The following ZBTB40 variants were observed in gnomAD, a reference collection of about 807,000 sequenced individuals.
The protein encoded by ZBTB40 is zinc finger and BTB domain-containing protein 40.
A neutral mutation model predicts 117.5 loss-of-function variants in ZBTB40; 60 were observed. The ratio of observed to expected loss-of-function variants is 0.51; its 90% confidence interval spans 0.41 to 0.63. ZBTB40 has a LOEUF of 0.63. Ranked by LOEUF, ZBTB40 falls within the 30% of genes least tolerant of loss-of-function variation. The pLI, the probability that ZBTB40 is intolerant of heterozygous loss-of-function variation, is 0.00. For missense variants in ZBTB40, 1,287 were observed against 1,498.5 expected (o/e 0.86, Z 2.33); for synonymous variants, 525 against 577.1 (o/e 0.91, Z 1.29).
intron 3 of ZBTB40, 97 bp downstream of exon 3, chr1:22,491,630 A>T (rs575048494): frequency 1.5e-6 from 2 of 1,372,414 alleles, no homozygotes; most frequent in Admixed American, 2.1e-5. Flanking sequence ...CAGGGTTTCA[A>T]TGTTTTGAAA....
chr1:22,437,989 G>T (rs551913642), intron 1 of ZBTB40, among the ~76,000 whole-genome samples: 1 of 152,062 alleles, frequency 6.6e-6, no homozygotes, highest in African/African-American at 2.4e-5. Context: ...AATTAGTCGG[G>T]TGTGGTGGTA....
chr1:22,501,350 T>C (rs758401778), intron 3 of ZBTB40, 142 bp from the exon 4 acceptor site: 6 of 857,214 alleles, frequency 7.0e-6, no homozygotes, highest in Non-Finnish European at 1.1e-5. Context: ...GAACTGCTGC[T>C]GGGGAAGAAA....
Position 22,525,976 on chromosome 1 carries a change from T to C in ZBTB40, c.3526-226T>C, listed in dbSNP as rs193225007. The stretch of plus-strand genomic sequence containing the variant: ...GTCCGGGCGCCCCGAGATGGCGTAC[T>C]GAGCAAAATTATAGCAATTTAGTGC... On this transcript the variant is annotated intron_variant, in intron 17 of 17. Coordinates refer to ENST00000375647, the MANE Select transcript of ZBTB40 (RefSeq NM_014870.4). Among the ~76,000 whole-genome samples the C allele has an allele frequency of 4.6e-5, 7 of 152,356 alleles. No homozygotes were observed. In the East Asian group the frequency reaches 1.3e-3, roughly 29 times the overall value.
intron 1 of ZBTB40, among the ~76,000 whole-genome samples, chr1:22,460,446 GATA>G (rs1462757281): frequency 1.3e-5 from 2 of 152,112 alleles, no homozygotes; most frequent in African/African-American, 4.8e-5. Flanking sequence ...ACATCATGTT[GATA>G]ATAATAGTTA....
chr1:22,518,606 C>T (rs1241100227), intron 13 of ZBTB40, among the ~76,000 whole-genome samples: 2 of 152,144 alleles, frequency 1.3e-5, no homozygotes, highest in East Asian at 3.9e-4. Flanking sequence ...CTCACAAGTG[C>T]GCTTTATGTA....
chr1:22,469,591 C>CT (rs1306244774), intron 1 of ZBTB40, among the ~76,000 whole-genome samples: 2 of 152,094 alleles, frequency 1.3e-5, no homozygotes, highest in African/African-American at 4.8e-5. Flanking sequence ...GAGTCTTACT[C>CT]TGTCACCCAG....
chr1:22,498,909 G>A (rs1638852098), intron 3 of ZBTB40, among the ~76,000 whole-genome samples: 1 of 152,222 alleles, frequency 6.6e-6, no homozygotes. Context: ...TTTACTGAGG[G>A]TATTAGCAGC....
At chr1:22,478,911 A>T (rs1455422705) in intron 1 of ZBTB40, among the ~76,000 whole-genome samples, 1 of 152,204 alleles carries the variant, frequency 6.6e-6, no homozygotes, top group Non-Finnish European at 1.5e-5. Context: ...TTCCATTCTC[A>T]TGGAAAGTTT....
At chr1:22,434,792 T>G (rs895127112) in intron 1 of ZBTB40, among the ~76,000 whole-genome samples, 8 of 152,344 alleles carry the variant, frequency 5.3e-5, no homozygotes, top group Admixed American at 2.0e-4. Flanking sequence ...TTCACTATTT[T>G]AACTGTTGAA....
intron 1 of ZBTB40, among the ~76,000 whole-genome samples, chr1:22,453,902 C>G (rs969954567): frequency 2.6e-5 from 4 of 152,154 alleles, no homozygotes. Flanking sequence ...AGGTAAATAC[C>G]AAGTAAACAA....
intron 4 of ZBTB40, 107 bp from the exon 5 acceptor site, chr1:22,502,192 C>A: frequency 7.4e-7 from 1 of 1,354,864 alleles, no homozygotes; most frequent in Non-Finnish European, 1.0e-6. Flanking sequence ...TCAGAATAAG[C>A]TGAAAATCAC....
intron 14 of ZBTB40, 128 bp from the exon 15 acceptor site, chr1:22,521,368 G>A: frequency 8.5e-7 from 1 of 1,179,432 alleles, no homozygotes. Flanking sequence ...CGGTGTGATA[G>A]GTAAGAGTGT....
chr1:22,452,958 A>G (rs1367001140), intron 1 of ZBTB40: 1 of 152,242 alleles, frequency 6.6e-6, no homozygotes, highest in East Asian at 1.9e-4. Flanking sequence ...TAAGTATGGT[A>G]TTTCCATTTT....
intron 5 of ZBTB40, among the ~76,000 whole-genome samples, chr1:22,504,356 A>C (rs1363574199): frequency 6.6e-6 from 1 of 152,224 alleles, no homozygotes; most frequent in African/African-American, 2.4e-5. Flanking sequence ...TAATTACTAT[A>C]GCTGTCATTT....
chr1:22,503,661 AT>A (rs1179750098), intron 5 of ZBTB40, among the ~76,000 whole-genome samples: 1 of 152,218 alleles, frequency 6.6e-6, no homozygotes, highest in African/African-American at 2.4e-5. Flanking sequence ...TCAGAATTAC[AT>A]TTTGTGATTT....
At chr1:22,518,727 C>T (rs1380633007) in intron 13 of ZBTB40, among the ~76,000 whole-genome samples, 1 of 152,206 alleles carries the variant, frequency 6.6e-6, no homozygotes, top group African/African-American at 2.4e-5. Flanking sequence ...AAGTGTGGCC[C>T]TTTCCCTCCA....
chr1:22,431,337 T>TA (rs1400120890), intron 1 of ZBTB40, among the ~76,000 whole-genome samples: 4 of 89,812 alleles, frequency 4.5e-5, no homozygotes, highest in African/African-American at 3.9e-4. Flanking sequence ...ATATATATAT[T>TA]ATATAGTGTA....
chr1:22,443,151 G>A (rs1640752418), intron 1 of ZBTB40, among the ~76,000 whole-genome samples: 1 of 152,152 alleles, frequency 6.6e-6, no homozygotes, highest in Non-Finnish European at 1.5e-5. Context: ...TATTTAAACA[G>A]AATCTAACCT....
chr1:22,520,123 C>T lies in ZBTB40; in HGVS notation c.2896C>T (p.Arg966Trp), dbSNP rs766024147. The change falls in exon 14 of 18, where the codon CGG becomes TGG. Residue 966 changes from arginine to tryptophan, a missense_variant. Transcript: ENST00000375647. ...RMSFPTLQDH[R>W]KHIHEVHSKE... Reference sequence around the variant, plus strand: ...GAGTTTCCCCACTCTTCAGGATCACCGGAAGCACATCCATGAGGTGCACTC... The same window carrying T: ...GAGTTTCCCCACTCTTCAGGATCACTGGAAGCACATCCATGAGGTGCACTC... The T allele has an allele frequency of 2.0e-5, 33 of 1,614,174 alleles. 1 individual carries two copies. In the Admixed American group the frequency reaches 3.7e-4, roughly 18 times the overall value.
Sources: gnomAD v4.1 joint callset for allele counts (sites outside exome capture counted in the v4.1 genomes callset) on GRCh38, gnomAD v4.1.1 for gene constraint, MANE v1.5 for transcripts, NCBI Gene and HGNC (gene_info 2026-07-23, HGNC 2026-07-21) for gene names.